The following KIF13B variants were observed in gnomAD, a reference collection of about 807,000 sequenced individuals.
The protein encoded by KIF13B is kinesin-like protein KIF13B.
In KIF13B, 127 loss-of-function variants were observed where a neutral mutation model predicts 222.0. The ratio of observed to expected loss-of-function variants is 0.57; its 90% CI spans 0.50 to 0.66. The LOEUF is 0.66. Ranked by LOEUF, KIF13B falls within the 30% of genes least tolerant of loss-of-function variation. The pLI is 0.00. For missense variants in KIF13B, 2,173 were observed against 2,379.0 expected, an observed-to-expected ratio of 0.91 and a Z score of 1.80; for synonymous variants, 976 against 919.0, an observed-to-expected ratio of 1.06 and a Z score of -1.12.
intron 1 of KIF13B, among the ~76,000 whole-genome samples, chr8:29,246,762 G>T (rs933004335): frequency 1.3e-5 from 2 of 152,126 alleles, no homozygotes; most frequent in Non-Finnish European, 1.5e-5. Flanking sequence ...TATATAAATC[G>T]ATGGAATAGA....
At chr8:29,163,064 T>C (rs1435284684) in intron 12 of KIF13B, among the ~76,000 whole-genome samples, 1 of 152,164 alleles carries the variant, frequency 6.6e-6, no homozygotes, top group Non-Finnish European at 1.5e-5. Flanking sequence ...TATCTCAAGG[T>C]TTTGATTTCA....
intron 2 of KIF13B, among the ~76,000 whole-genome samples, chr8:29,204,132 A>T (rs1315472713): frequency 6.6e-6 from 1 of 152,168 alleles, no homozygotes; most frequent in East Asian, 1.9e-4. Context: ...ACCCCATTCT[A>T]TTCGAATCTT....
intron 35 of KIF13B, among the ~76,000 whole-genome samples, chr8:29,103,676 T>G (rs1808907353): frequency 1.3e-5 from 2 of 152,172 alleles, no homozygotes; most frequent in Non-Finnish European, 2.9e-5. Flanking sequence ...ACAATTCCAC[T>G]TTTCATATGT....
At chr8:29,149,299 C>T (rs1458886926) in intron 15 of KIF13B, among the ~76,000 whole-genome samples, 1 of 152,172 alleles carries the variant, frequency 6.6e-6, no homozygotes, top group Non-Finnish European at 1.5e-5. Context: ...GAAAAAAATG[C>T]TCCATGCTCT....
chr8:29,110,289 A>G (rs1400957651), intron 32 of KIF13B, among the ~76,000 whole-genome samples: 1 of 152,236 alleles, frequency 6.6e-6, no homozygotes, highest in Non-Finnish European at 1.5e-5. Flanking sequence ...GCTGAAACAC[A>G]GCGCATTCTC....
chr8:29,149,639 C>G (rs1023817487), intron 15 of KIF13B, among the ~76,000 whole-genome samples: 2 of 152,150 alleles, frequency 1.3e-5, no homozygotes, highest in East Asian at 3.9e-4. Context: ...TTTGGATGAA[C>G]AGGACAGTCA....
chr8:29,248,130 T>C (rs755449070), intron 1 of KIF13B, among the ~76,000 whole-genome samples: 2 of 152,132 alleles, frequency 1.3e-5, no homozygotes, highest in Non-Finnish European at 2.9e-5. Context: ...CTTCAGATAA[T>C]AGTCCAGCAG....
chr8:29,155,742 G>T lies in KIF13B; in HGVS notation c.1519C>A (p.Pro507Thr), dbSNP rs1348781979. The T allele has an allele frequency of 1.0e-5, 16 of 1,605,572 alleles. No individual in the cohort carries two copies. The highest frequency in any genetic ancestry group is 1.4e-5 in the Non-Finnish European group (16 of 1,175,538). ...GTATGTTACCTGGTGTTCTTCTGAG[G>T]AGTCAGCATAACCTGGCCTTCTGAC... The part of the protein sequence containing the change: ...ITSEGQVMLT[P>T]QKNTRTFVNG... Residue 507 changes from proline (P) to threonine (T), a missense_variant, in exon 14 of 40, where the codon CCT (proline) becomes ACT (threonine). By Grantham distance (38) the Pro-to-Thr change is conservative. This residue lies in a region of KIF13B where 1,480 missense variants were observed against 1,722.8 expected (regional missense o/e 0.86). Transcript: ENST00000524189.
chr8:29,231,717 A>T (rs1815292301), intron 2 of KIF13B, among the ~76,000 whole-genome samples: 1 of 152,192 alleles, frequency 6.6e-6, no homozygotes, highest in South Asian at 2.1e-4. Context: ...CACAGGTAAA[A>T]TTTATTTTTT....
At chr8:29,215,534 C>A (rs896541468) in intron 2 of KIF13B, among the ~76,000 whole-genome samples, 1 of 152,010 alleles carries the variant, frequency 6.6e-6, no homozygotes, top group Non-Finnish European at 1.5e-5. Flanking sequence ...ACCAAAAATT[C>A]TTTTTTAATT....
rs539155258 is a variant in KIF13B at position 29,161,845 on chromosome 8, A to G, written c.1270-978T>C. ...CTGTTCACCGGGCCATTTCTCTCAC[A>G]CAGGACTGTGTGCTGTGTGGGTATG... On this transcript the variant is annotated intron_variant, in intron 12 of 39. Coordinates refer to ENST00000524189, the MANE Select transcript of KIF13B (RefSeq NM_015254.4). Among the ~76,000 whole-genome samples, 14 of 152,074 alleles carry G rather than the reference A, an allele frequency of 9.2e-5. No individual in the cohort carries two copies. The South Asian group carries it at 1.2e-3, about 14-fold the overall frequency.
chr8:29,201,460 G>C (rs1246079311), intron 2 of KIF13B, among the ~76,000 whole-genome samples: 1 of 152,138 alleles, frequency 6.6e-6, no homozygotes, highest in East Asian at 1.9e-4. Context: ...TGAAAATGTT[G>C]TAATACTTCT....
intron 2 of KIF13B, among the ~76,000 whole-genome samples, chr8:29,234,920 A>G (rs1815440785): frequency 6.6e-6 from 1 of 152,134 alleles, no homozygotes; most frequent in South Asian, 2.1e-4. Context: ...TAAGAAACAC[A>G]ATGAATCTGA....
intron 21 of KIF13B, among the ~76,000 whole-genome samples, chr8:29,135,941 A>G (rs981144087): frequency 7.4e-6 from 1 of 134,474 alleles, no homozygotes; most frequent in East Asian, 2.0e-4. Flanking sequence ...AGTATTGATG[A>G]CACACAAAAT....
At chr8:29,199,087 T>TTTTTTTTTTTTTTTTTTTA (rs1563781453) in intron 2 of KIF13B, among the ~76,000 whole-genome samples, 8 of 151,800 alleles carry the variant, frequency 5.3e-5, no homozygotes, top group African/African-American at 1.5e-4. Context: ...ATAAAATTTT[T>TTTTTTTTTTTTTTTTTTTA]TAAAAAATAG....
At position 29,110,008 on chromosome 8, in the gene KIF13B, T is replaced by G. The variant is rs778721903; in HGVS notation, c.3993A>C (p.Pro1331=). 1.2e-6 allele frequency: 2 copies of G among 1,602,574 alleles called. No individual in the cohort carries two copies. The highest frequency in any genetic ancestry group is 1.7e-6 in the Non-Finnish European group (2 of 1,174,500). The part of the protein sequence containing the change: ...LARMAANVEN[P]ASADSEAYIE... Reference sequence around the variant, plus strand: ...TATAAGCCTCCGAGTCAGCAGAAGCTGGGTTTTCAACATTGGCTGCCATTC... The same window carrying G: ...TATAAGCCTCCGAGTCAGCAGAAGCGGGGTTTTCAACATTGGCTGCCATTC... Residue 1331 remains proline, a synonymous_variant, in exon 33 of 40, where the codon CCA becomes CCC. Transcript: ENST00000524189.
intron 6 of KIF13B, among the ~76,000 whole-genome samples, chr8:29,183,175 T>TG (rs893019581): frequency 2.7e-5 from 4 of 146,950 alleles, no homozygotes; most frequent in African/African-American, 1.0e-4. Flanking sequence ...TTTGTTTTTT[T>TG]TTTTTTTTTT....
chr8:29,196,847 A>C (rs1813443191), intron 2 of KIF13B, among the ~76,000 whole-genome samples: 1 of 152,146 alleles, frequency 6.6e-6, no homozygotes, highest in South Asian at 2.1e-4. Flanking sequence ...TCCAAAGAGC[A>C]TTTTGTTTGA....
intron 35 of KIF13B, among the ~76,000 whole-genome samples, chr8:29,103,634 C>T (rs568333648): frequency 6.6e-6 from 1 of 152,206 alleles, no homozygotes; most frequent in East Asian, 1.9e-4. Context: ...TTAATTAGTT[C>T]ATCAATTCAA....
Sources: allele counts gnomAD v4.1 joint callset (sites outside exome capture counted in the v4.1 genomes callset), GRCh38; gene constraint gnomAD v4.1.1; regional missense constraint gnomAD v4.1.1; transcripts MANE v1.5; gene names NCBI Gene and HGNC (gene_info 2026-07-23, HGNC 2026-07-21).